Variants in PLEKHA8 observed in about 807,000 individuals in gnomAD.
PLEKHA8 encodes pleckstrin homology domain-containing family A member 8.
In PLEKHA8, 36 loss-of-function variants were observed where a neutral mutation model predicts 68.2. The observed-to-expected ratio is 0.53, with a 90% CI of 0.40 to 0.70. The LOEUF (loss-of-function observed/expected upper bound fraction) is 0.70. PLEKHA8 is among the 30% of genes least tolerant of loss of function. The pLI is 0.00. For synonymous variants in PLEKHA8, 211 were observed against 216.1 expected, an observed-to-expected ratio of 0.98 and a Z score of 0.20; for missense variants, 505 against 615.4, an observed-to-expected ratio of 0.82 and a Z score of 1.90.
chr7:30,082,507 T>G lies in PLEKHA8; in HGVS notation c.*3720T>G. 2 of 985,106 alleles carry G rather than the reference T, an allele frequency of 2.0e-6. No homozygotes were observed. Among genetic ancestry groups the G allele is most frequent in the Middle Eastern group, 5.2e-4 (1 of 1,936 alleles). 61.0% of individuals were successfully genotyped at this position (985,106 alleles called of 1,614,324 possible). On this transcript the variant is annotated 3_prime_UTR_variant, in exon 14 of 14. Coordinates refer to ENST00000449726, the MANE Select transcript of PLEKHA8 (RefSeq NM_001197026.2). ...TTCCCATTTGTAGCTGGAAAGCGGG[T>G]GAATGACATGACATGGGGCACCTAG...
Position 30,083,711 on chromosome 7 carries a change from GT to G in PLEKHA8, c.*4926del, listed in dbSNP as rs1465227885. The stretch of plus-strand genomic sequence containing the variant: ...TTTGTTTCCTGTATTAATCACTTCT[GT>G]TCCAGAGTGAACAAATGTTTTCAGC... On this transcript the variant is annotated 3_prime_UTR_variant, in exon 14 of 14. Transcript: ENST00000449726. 23 of 985,206 alleles carry G rather than the reference GT, an allele frequency of 2.3e-5. No homozygotes were observed. Among genetic ancestry groups the G allele is most frequent in the Non-Finnish European group, 2.4e-5 (20 of 829,890 alleles). 61.0% of individuals were successfully genotyped at this position (985,206 alleles called of 1,614,324 possible).
chr7:30,090,031 T>G (rs1795350442), intron 12 of PLEKHA8: 2 of 933,220 alleles, frequency 2.1e-6, no homozygotes, highest in Non-Finnish European at 3.2e-6. Context: ...TATTCTGACA[T>G]AAGAATAATT....
intron 13 of PLEKHA8, among the ~76,000 whole-genome samples, chr7:30,122,563 T>C (rs1236802406): frequency 1.3e-5 from 2 of 152,228 alleles, no homozygotes; most frequent in Non-Finnish European, 2.9e-5. Context: ...TCTTCCCAGC[T>C]CAGTACCCCC....
chr7:30,057,322 T>G (rs1475479237), intron 9 of PLEKHA8, among the ~76,000 whole-genome samples: 1 of 152,228 alleles, frequency 6.6e-6, no homozygotes, highest in East Asian at 1.9e-4. Flanking sequence ...ACAGTATGTT[T>G]TTGAGATCCG....
intron 13 of PLEKHA8, among the ~76,000 whole-genome samples, chr7:30,127,312 C>T (rs1000177739): frequency 7.2e-5 from 11 of 152,040 alleles, no homozygotes; most frequent in East Asian, 3.9e-4. Context: ...ATATTATTCC[C>T]GTCAGGCCAG....
chr7:30,051,127 T>G (rs1459473289), intron 6 of PLEKHA8, among the ~76,000 whole-genome samples: 1 of 152,198 alleles, frequency 6.6e-6, no homozygotes, highest in East Asian at 1.9e-4. Context: ...CTTGAACTCC[T>G]GAGCTCAAGC....
At chr7:30,089,345 C>T (rs950548498), downstream of PLEKHA8, among the ~76,000 whole-genome samples, 2 of 151,152 alleles carry the variant, frequency 1.3e-5, no homozygotes, top group African/African-American at 4.9e-5. Flanking sequence ...CGCCCCCCCA[C>T]TCCAGACCAC....
At chr7:30,071,395 A>C (rs184902866) in intron 12 of PLEKHA8, among the ~76,000 whole-genome samples, 7 of 151,664 alleles carry the variant, frequency 4.6e-5, no homozygotes, top group Admixed American at 1.3e-4. Context: ...ACCATCTACC[A>C]CTCTGCTCTC....
At chr7:30,089,522 A>G (rs1236494008), downstream of PLEKHA8, among the ~76,000 whole-genome samples, 1 of 152,226 alleles carries the variant, frequency 6.6e-6, no homozygotes, top group African/African-American at 2.4e-5. Flanking sequence ...ATAGATGCCA[A>G]ACAAGATGGG....
intron 13 of PLEKHA8, among the ~76,000 whole-genome samples, chr7:30,074,693 T>C (rs543561312): frequency 6.6e-6 from 1 of 152,200 alleles, no homozygotes; most frequent in Admixed American, 6.5e-5. Flanking sequence ...TTTTCACTAA[T>C]TGAATTTTGT....
At chr7:30,117,589 A>T (rs1796606475) in intron 13 of PLEKHA8, among the ~76,000 whole-genome samples, 1 of 151,992 alleles carries the variant, frequency 6.6e-6, no homozygotes, top group Non-Finnish European at 1.5e-5. Context: ...CTGTAGTCCC[A>T]GATACTCAGG....
chr7:30,121,408 C>T (rs537041886), intron 13 of PLEKHA8, among the ~76,000 whole-genome samples: 4 of 152,270 alleles, frequency 2.6e-5, no homozygotes, highest in Admixed American at 6.5e-5. Context: ...GCGGGCAGAT[C>T]ACTTGAGATT....
chr7:30,093,292 A>G (rs925208908), downstream of PLEKHA8, among the ~76,000 whole-genome samples: 1 of 152,244 alleles, frequency 6.6e-6, no homozygotes, highest in East Asian at 1.9e-4. Flanking sequence ...AAAACTTCCT[A>G]TAGGTTCTCA....
chr7:30,095,778 G>A (rs570110387), intron 13 of PLEKHA8, among the ~76,000 whole-genome samples: 1 of 152,318 alleles, frequency 6.6e-6, no homozygotes, highest in Admixed American at 6.5e-5. Flanking sequence ...TTATTAAATA[G>A]GGAATCGTTT....
At chr7:30,048,858 T>C (rs1298764140) in intron 4 of PLEKHA8, among the ~76,000 whole-genome samples, 2 of 152,068 alleles carry the variant, frequency 1.3e-5, no homozygotes, top group Non-Finnish European at 2.9e-5. Flanking sequence ...GGAGGGAAGA[T>C]GAAGGATACC....
chr7:30,028,855 G>C, intron 1 of PLEKHA8, 53 bp downstream of exon 1: 1 of 1,247,282 alleles, frequency 8.0e-7, no homozygotes, highest in South Asian at 4.1e-5. Flanking sequence ...CTTTGTCTGC[G>C]CGGCTGGAGG....
intron 6 of PLEKHA8, among the ~76,000 whole-genome samples, 190 bp from the exon 7 acceptor site, chr7:30,052,519 C>T (rs535691228): frequency 6.6e-5 from 10 of 151,834 alleles, no homozygotes; most frequent in Admixed American, 2.0e-4. Context: ...ACCTGTAGTC[C>T]GAGCTACTCA....
At position 30,078,857 on chromosome 7, in the gene PLEKHA8, C is replaced by T. The variant is rs933552981; in HGVS notation, c.*70C>T. On this transcript the variant is annotated 3_prime_UTR_variant, in exon 14 of 14. Coordinates refer to ENST00000449726, the MANE Select transcript of PLEKHA8 (RefSeq NM_001197026.2). ...AGTGTTTTGTTGCCCTACTTAATTT[C>T]CAGCAACAGCCTCAACCCTCTCCAA... 3.8e-5 allele frequency: 59 copies of T among 1,535,712 alleles called. 1 individual carries two copies. In the South Asian group the frequency reaches 6.5e-4, roughly 17 times the overall value.
chr7:30,061,872 G>GTTTAAA, intron 10 of PLEKHA8, 25 bp from the exon 11 acceptor site: 3 of 1,612,620 alleles, frequency 1.9e-6, no homozygotes, highest in Non-Finnish European at 2.5e-6. Flanking sequence ...TTTAAACTTA[G>GTTTAAA]GTTGTTTCCC....
Sources: gnomAD v4.1 joint callset for allele counts (sites outside exome capture counted in the v4.1 genomes callset) on GRCh38, gnomAD v4.1.1 for gene constraint, MANE v1.5 for transcripts, NCBI Gene and HGNC (gene_info 2026-07-23, HGNC 2026-07-21) for gene names.